The following STIM2 variants were observed in gnomAD, a reference collection of about 807,000 sequenced individuals.
The protein encoded by STIM2 is stromal interaction molecule 2.
STIM2 carries 31 observed loss-of-function variants against 85.8 expected under a neutral mutation model. The observed-to-expected ratio is 0.36, with a 90% confidence interval of 0.27 to 0.49. The LOEUF (loss-of-function observed/expected upper bound fraction) is 0.49, where lower values mean the gene tolerates loss of function less well. STIM2 is among the 20% of genes least tolerant of loss of function. STIM2 has a pLI of 0.98. For synonymous variants in STIM2, 356 were observed against 331.1 expected (o/e 1.08, Z -0.82); for missense variants, 841 against 927.6 (o/e 0.91, Z 1.21).
At chr4:26,872,745 A>G (rs1187014778) in intron 1 of STIM2, among the ~76,000 whole-genome samples, 6 of 152,228 alleles carry the variant, frequency 3.9e-5, no homozygotes. Context: ...GAAAATACAA[A>G]TACTATTTTG....
At chr4:26,941,911 G>T (rs1388997404) in intron 2 of STIM2, among the ~76,000 whole-genome samples, 1 of 152,074 alleles carries the variant, frequency 6.6e-6, no homozygotes, top group East Asian at 1.9e-4. Flanking sequence ...ATTGAGATTT[G>T]ATTCTCAAAT....
intron 1 of STIM2, among the ~76,000 whole-genome samples, chr4:26,881,002 G>A (rs1348794013): frequency 6.6e-6 from 1 of 152,010 alleles, no homozygotes; most frequent in African/African-American, 2.4e-5. Flanking sequence ...TGTATATGTA[G>A]TATTATTTTA....
intron 1 of STIM2, chr4:26,881,641 T>TA (rs1723019697): frequency 6.6e-6 from 1 of 152,296 alleles, no homozygotes; most frequent in Non-Finnish European, 1.5e-5. Flanking sequence ...CTTTCTAAAT[T>TA]ACCCAGTATA....
chr4:26,969,271 G>A (rs1308941297), intron 3 of STIM2, among the ~76,000 whole-genome samples: 1 of 152,214 alleles, frequency 6.6e-6, no homozygotes, highest in Admixed American at 6.5e-5. Context: ...GGGGATGGAG[G>A]CGGGTTGGGG....
chr4:26,877,333 G>T (rs145279088), intron 1 of STIM2, among the ~76,000 whole-genome samples: 3 of 151,722 alleles, frequency 2.0e-5, no homozygotes, highest in African/African-American at 7.3e-5. Flanking sequence ...TACAGTTTTC[G>T]TATCCCTGCT....
intron 3 of STIM2, among the ~76,000 whole-genome samples, chr4:26,959,626 A>T (rs189148932): frequency 1.3e-5 from 2 of 150,592 alleles, no homozygotes; most frequent in East Asian, 3.9e-4. Flanking sequence ...AATAAAGAGG[A>T]CTCTATTCTT....
intron 1 of STIM2, among the ~76,000 whole-genome samples, chr4:26,884,944 A>G (rs1041624777): frequency 6.6e-6 from 1 of 152,206 alleles, no homozygotes; most frequent in Non-Finnish European, 1.5e-5. Flanking sequence ...TTGCCTCTTG[A>G]GTAATTGAAC....
Position 27,008,410 on chromosome 4 carries a change from G to T in STIM2, c.1150-18G>T, listed in dbSNP as rs1728442570. ...TTTTTTTCAAACCTAGCCTTATTTA[G>T]TCCTTTTCGGTTTCTAGGCAGAAAA... is the stretch of plus-strand genomic sequence containing the variant. On this transcript the variant is annotated intron_variant, in intron 8 of 11. Transcript: ENST00000467087. The T allele has an allele frequency of 1.3e-6, 2 of 1,520,886 alleles. No individual in the cohort carries two copies. Among genetic ancestry groups the T allele is most frequent in the Non-Finnish European group, 1.8e-6 (2 of 1,125,024 alleles). 94.2% of individuals were successfully genotyped at this position (1,520,886 alleles called of 1,614,324 possible). A position where few individuals can be genotyped will look rare whatever the true frequency, so the allele number is the denominator to read the frequency against.
At chr4:26,885,871 A>ATATATATATG (rs1560194736) in intron 1 of STIM2, among the ~76,000 whole-genome samples, 1 of 117,908 alleles carries the variant, frequency 8.5e-6, no homozygotes, top group African/African-American at 3.4e-5. Context: ...ATATATATAT[A>ATATATATATG]TATGTATATG....
chr4:26,867,067 A>G (rs1560548469), intron 1 of STIM2, among the ~76,000 whole-genome samples: 1 of 152,184 alleles, frequency 6.6e-6, no homozygotes, highest in African/African-American at 2.4e-5. Context: ...TCAGTTAGGA[A>G]ACTATTTAGA....
At chr4:26,864,886 G>A (rs932067777) in intron 1 of STIM2, among the ~76,000 whole-genome samples, 21 of 152,134 alleles carry the variant, frequency 1.4e-4, no homozygotes, top group Non-Finnish European at 2.2e-4. Context: ...GATTGTCATT[G>A]GCAAAATGTG....
intron 1 of STIM2, among the ~76,000 whole-genome samples, chr4:26,875,457 G>A (rs1482622073): frequency 6.6e-6 from 1 of 152,088 alleles, no homozygotes; most frequent in Non-Finnish European, 1.5e-5. Context: ...TGGTAGTCAT[G>A]ATAGATTCAT....
At chr4:26,970,578 C>T (rs1222094758) in intron 3 of STIM2, among the ~76,000 whole-genome samples, 1 of 152,084 alleles carries the variant, frequency 6.6e-6, no homozygotes, top group Non-Finnish European at 1.5e-5. Context: ...ATGAACTCAT[C>T]CTTTTTTATG....
At chr4:26,902,937 A>G (rs1723978504) in intron 1 of STIM2, among the ~76,000 whole-genome samples, 1 of 152,172 alleles carries the variant, frequency 6.6e-6, no homozygotes, top group Admixed American at 6.6e-5. Context: ...AATCATTCAT[A>G]AATTTAGTTT....
At chr4:26,912,650 G>C (rs1280313278) in intron 1 of STIM2, among the ~76,000 whole-genome samples, 2 of 152,094 alleles carry the variant, frequency 1.3e-5, no homozygotes, top group Non-Finnish European at 2.9e-5. Context: ...AGTCATATTT[G>C]TCTGTTTTCT....
chr4:27,023,172 A>G lies in STIM2; in HGVS notation c.*176A>G, dbSNP rs1728971193. Reference sequence around the variant, plus strand: ...GCAACTGTCTACTGTCTGCTTATTTAAGTGACTATATATAATCAATTCATC... The same window carrying G: ...GCAACTGTCTACTGTCTGCTTATTTGAGTGACTATATATAATCAATTCATC... On this transcript the variant is annotated 3_prime_UTR_variant, in exon 12 of 12. Transcript: ENST00000467087. The G allele has an allele frequency of 3.2e-6, 2 of 631,236 alleles. No homozygotes were observed. Among genetic ancestry groups the G allele is most frequent in the South Asian group, 3.9e-5 (2 of 51,600 alleles). The allele number at this position is 631,236 out of a possible 1,614,324, so 39.1% of individuals were successfully genotyped here.
chr4:26,931,621 A>G (rs1027834563), intron 2 of STIM2, among the ~76,000 whole-genome samples: 1 of 152,194 alleles, frequency 6.6e-6, no homozygotes, highest in East Asian at 1.9e-4. Flanking sequence ...AATTACATGC[A>G]CAAATGTACC....
chr4:26,955,810 G>A lies in STIM2; in HGVS notation c.283-1802G>A, dbSNP rs1352147022. Among the ~76,000 whole-genome samples the A allele has an allele frequency of 1.6e-5, 2 of 125,466 alleles. 1 individual carries two copies. The highest frequency in any genetic ancestry group is 5.0e-4 in the South Asian group (2 of 4,030). 82.3% of individuals were successfully genotyped at this position (125,466 alleles called of 152,430 possible). Reference sequence around the variant, plus strand: ...TATGCTCGGCCCAGTTGCTGTGGAAGTGTTTTCTAATTGCCATAATGCTGA... The same window carrying A: ...TATGCTCGGCCCAGTTGCTGTGGAAATGTTTTCTAATTGCCATAATGCTGA... On this transcript the variant is annotated intron_variant, in intron 2 of 11. Coordinates refer to ENST00000467087, the MANE Select transcript of STIM2 (RefSeq NM_020860.4).
intron 3 of STIM2, among the ~76,000 whole-genome samples, chr4:26,968,296 C>T (rs1231915225): frequency 1.3e-5 from 2 of 152,114 alleles, no homozygotes; most frequent in African/African-American, 4.8e-5. Flanking sequence ...CCCAAGTGTC[C>T]ATTGATGAAT....
Sources: allele counts gnomAD v4.1 joint callset (sites outside exome capture counted in the v4.1 genomes callset), GRCh38; gene constraint gnomAD v4.1.1; transcripts MANE v1.5; gene names NCBI Gene and HGNC (gene_info 2026-07-23, HGNC 2026-07-21).